SLC4A1AP: variants seen among roughly 807,000 people sequenced by gnomAD.
SLC4A1AP encodes the protein solute carrier family 4 member 1 adaptor protein, also known as kanadaptin.
Under a neutral mutation model 89.7 loss-of-function variants are expected in SLC4A1AP, and 64 were observed. The observed-to-expected ratio is 0.71, with a 90% CI of 0.58 to 0.88. The LOEUF (loss-of-function observed/expected upper bound fraction) is 0.88. SLC4A1AP is among the 40% of genes least tolerant of loss of function. SLC4A1AP has a pLI of 0.00. For synonymous variants in SLC4A1AP, 366 were observed against 353.3 expected (o/e 1.04, Z -0.40); for missense variants, 931 against 965.0 (o/e 0.96, Z 0.47).
At chr2:27,677,604 C>A in intron 7 of SLC4A1AP, 134 bp from the exon 8 acceptor site, 2 of 739,704 alleles carry the variant, frequency 2.7e-6, no homozygotes, top group Non-Finnish European at 4.4e-6. Context: ...TGGCTATAAC[C>A]TGTTCCTTAT....
chr2:27,685,417 C>G, intron 10 of SLC4A1AP, 140 bp downstream of exon 10: 2 of 1,126,028 alleles, frequency 1.8e-6, no homozygotes, highest in Middle Eastern at 5.6e-4. Context: ...AGGAAACATA[C>G]TTTCTTGGTC....
intron 12 of SLC4A1AP, among the ~76,000 whole-genome samples, chr2:27,688,982 T>G (rs1675749139): frequency 1.3e-5 from 2 of 152,206 alleles, no homozygotes; most frequent in Non-Finnish European, 2.9e-5. Context: ...TCTCTTTTAT[T>G]AGTTTATGAA....
intron 10 of SLC4A1AP, 138 bp downstream of exon 10, chr2:27,685,415 T>G: frequency 8.5e-7 from 1 of 1,172,200 alleles, no homozygotes; most frequent in Non-Finnish European, 1.2e-6. Context: ...CAAGGAAACA[T>G]ACTTTCTTGG....
chr2:27,673,086 G>C (rs941925538), intron 5 of SLC4A1AP, among the ~76,000 whole-genome samples: 1 of 152,128 alleles, frequency 6.6e-6, no homozygotes, highest in Non-Finnish European at 1.5e-5. Flanking sequence ...AGTAGGCAGG[G>C]AGGAAGATCT....
At chr2:27,668,952 A>T in intron 4 of SLC4A1AP, 49 bp downstream of exon 4, 1 of 1,530,420 alleles carries the variant, frequency 6.5e-7, no homozygotes, top group Non-Finnish European at 9.0e-7. Flanking sequence ...GGCCAATTTC[A>T]GGTTTAATGT....
At chr2:27,677,775 G>A (rs116617546) in exon 8 of SLC4A1AP, 9 of 1,611,992 alleles carry the variant, frequency 5.6e-6, no homozygotes, top group Middle Eastern at 1.7e-4. Context: ...CTTTAGATGC[G>A]TTCATGTCAG....
In SLC4A1AP at chr2:27,677,927, A is replaced by G. The variant is rs755552240; in HGVS notation, c.1763+3A>G. 1 of 1,576,278 alleles carries G rather than the reference A, an allele frequency of 6.3e-7. No individual in the cohort carries two copies. The highest frequency in any genetic ancestry group is 8.6e-7 in the Non-Finnish European group (1 of 1,158,548). On this transcript the variant is annotated splice_donor_region_variant and intron_variant, in intron 8 of 13. Coordinates refer to ENST00000613058, the Ensembl canonical transcript of SLC4A1AP. ...GCAGAGATTCCAGAACTAAAAAAGT[A>G]AGTCTTAGTTATATTTGGAATTCTA... is the stretch of plus-strand genomic sequence containing the variant.
exon 14 of SLC4A1AP, chr2:27,694,777 G>A: frequency 4.0e-6 from 4 of 1,005,436 alleles, no homozygotes; most frequent in Non-Finnish European, 5.9e-6. Context: ...AAGTTTAGAT[G>A]ATTATTTGTA....
chr2:27,685,082 A>G (rs1675683161), exon 10 of SLC4A1AP: 20 of 1,613,728 alleles, frequency 1.2e-5, no homozygotes, highest in Non-Finnish European at 1.7e-5. Flanking sequence ...TCTAATGAGA[A>G]TGAAAGATGA....
exon 2 of SLC4A1AP, chr2:27,665,259 A>G: frequency 3.1e-6 from 5 of 1,612,068 alleles, no homozygotes; most frequent in Non-Finnish European, 4.2e-6. Context: ...AAATGCTGGT[A>G]GCCAAGATGA....
chr2:27,690,291 T>C (rs990418804), intron 12 of SLC4A1AP, among the ~76,000 whole-genome samples: 17 of 152,120 alleles, frequency 1.1e-4, no homozygotes, highest in Non-Finnish European at 2.2e-4. Flanking sequence ...CAATTTTTTA[T>C]TCCTCATCCC....
At chr2:27,673,425 TCC>T (rs1558506675) in intron 5 of SLC4A1AP, among the ~76,000 whole-genome samples, 4 of 45,946 alleles carry the variant, frequency 8.7e-5, no homozygotes, top group African/African-American at 1.7e-4. Context: ...CCTCCCTCCC[TCC>T]CTCCCTCCCT....
intron 6 of SLC4A1AP, 44 bp from the exon 7 acceptor site, chr2:27,677,251 G>C: frequency 1.6e-6 from 2 of 1,277,850 alleles, no homozygotes; most frequent in Non-Finnish European, 2.3e-6. Context: ...AAAACAGTTT[G>C]AAAGAAGAAA....
intron 7 of SLC4A1AP, 32 bp downstream of exon 7, chr2:27,677,396 C>A (rs747789700): frequency 8.4e-6 from 12 of 1,425,878 alleles, no homozygotes; most frequent in Middle Eastern, 1.7e-4. Flanking sequence ...TATTAATATA[C>A]CACATATAGT....
At chr2:27,694,306 G>A (rs572754427) in intron 13 of SLC4A1AP, among the ~76,000 whole-genome samples, 5 of 152,246 alleles carry the variant, frequency 3.3e-5, no homozygotes, top group African/African-American at 1.2e-4. Flanking sequence ...TATAGAGATT[G>A]TACCAGTTTT....
At chr2:27,664,411 C>G in exon 1 of SLC4A1AP, 2 of 1,614,240 alleles carry the variant, frequency 1.2e-6, no homozygotes, top group Non-Finnish European at 1.7e-6. Context: ...GCGTCCGGCC[C>G]TGACGGAGAA....
exon 6 of SLC4A1AP, chr2:27,675,558 T>C: frequency 6.3e-7 from 1 of 1,597,152 alleles, no homozygotes. Flanking sequence ...AGCCAAGAAC[T>C]GGGAAGATGA....
chr2:27,685,070 A>G (rs561431563), exon 10 of SLC4A1AP: 3 of 1,613,312 alleles, frequency 1.9e-6, no homozygotes, highest in South Asian at 2.2e-5. Context: ...ACTCCCTCCA[A>G]CTCTAATGAG....
intron 6 of SLC4A1AP, among the ~76,000 whole-genome samples, chr2:27,676,488 A>T (rs1416579514): frequency 6.6e-6 from 1 of 152,168 alleles, no homozygotes; most frequent in African/African-American, 2.4e-5. Context: ...TGTGTTTTTT[A>T]ATTCAGAAAT....
Sources: allele counts gnomAD v4.1 joint callset (sites outside exome capture counted in the v4.1 genomes callset), GRCh38; gene constraint gnomAD v4.1.1; transcripts MANE v1.5; gene names NCBI Gene and HGNC (gene_info 2026-07-23, HGNC 2026-07-21).